The following RALGPS1 variants were observed in gnomAD, a reference collection of about 807,000 sequenced individuals.
RALGPS1 encodes the protein ras-specific guanine nucleotide-releasing factor RalGPS1.
In RALGPS1, 19 loss-of-function variants were observed where a neutral mutation model predicts 78.8. The ratio of observed to expected loss-of-function variants is 0.24; its 90% confidence interval spans 0.17 to 0.35. The LOEUF (loss-of-function observed/expected upper bound fraction) is 0.35. Ranked by LOEUF, RALGPS1 falls within the 10% of genes least tolerant of loss-of-function variation. The probability of loss-of-function intolerance (pLI) is 1.00; values close to 1 mark genes in which losing one functional copy is unlikely to be tolerated. For missense variants in RALGPS1, 454 were observed against 688.3 expected (o/e 0.66, Z 3.81); for synonymous variants, 228 against 256.3 (o/e 0.89, Z 1.06).
intron 8 of RALGPS1, among the ~76,000 whole-genome samples, chr9:127,130,536 T>C (rs561726765): frequency 6.6e-6 from 1 of 152,348 alleles, no homozygotes; most frequent in South Asian, 2.1e-4. Flanking sequence ...CAAAGAAGTA[T>C]TTCTCTGCCT....
At chr9:127,125,880 T>A (rs902975871) in intron 8 of RALGPS1, among the ~76,000 whole-genome samples, 8 of 152,232 alleles carry the variant, frequency 5.3e-5, no homozygotes, top group African/African-American at 1.7e-4. Flanking sequence ...AGATTCTTCA[T>A]GTAAATGACA....
intron 4 of RALGPS1, among the ~76,000 whole-genome samples, chr9:127,019,269 C>G (rs568273879): frequency 1.3e-5 from 2 of 152,140 alleles, no homozygotes; most frequent in East Asian, 1.9e-4. Flanking sequence ...GGCTGTAGCA[C>G]CTGTTGTTAC....
chr9:127,174,817 T>G, intron 11 of RALGPS1, 35 bp downstream of exon 11: 1 of 1,594,318 alleles, frequency 6.3e-7, no homozygotes, highest in Non-Finnish European at 8.6e-7. Flanking sequence ...GCAAACCCAC[T>G]TAATAGCCTA....
chr9:127,172,070 G>A (rs1265640415), intron 10 of RALGPS1, among the ~76,000 whole-genome samples: 1 of 152,152 alleles, frequency 6.6e-6, no homozygotes, highest in Non-Finnish European at 1.5e-5. Flanking sequence ...TTCCATTCCT[G>A]GAGTCTTTAT....
intron 4 of RALGPS1, among the ~76,000 whole-genome samples, chr9:126,988,682 G>A (rs964522010): frequency 2.6e-5 from 4 of 152,232 alleles, no homozygotes; most frequent in African/African-American, 9.6e-5. Flanking sequence ...GGAGGATTTT[G>A]CAGCAGTCTG....
chr9:127,129,472 A>AGT (rs2056858331), intron 8 of RALGPS1, among the ~76,000 whole-genome samples: 3 of 152,166 alleles, frequency 2.0e-5, no homozygotes, highest in African/African-American at 7.2e-5. Context: ...TTACACAGGT[A>AGT]CCTGCTGAAA....
chr9:127,192,418 C>T (rs1475813595), intron 11 of RALGPS1, among the ~76,000 whole-genome samples: 1 of 152,242 alleles, frequency 6.6e-6, no homozygotes, highest in African/African-American at 2.4e-5. Flanking sequence ...AGCTGTGCTG[C>T]ACTTGATGCA....
At chr9:126,952,598 A>G (rs970088675) in intron 1 of RALGPS1, among the ~76,000 whole-genome samples, 1 of 151,556 alleles carries the variant, frequency 6.6e-6, no homozygotes, top group East Asian at 1.9e-4. Flanking sequence ...CCTTTTGGCA[A>G]TACAAAATCT....
At chr9:126,990,656 G>A (rs1166961289) in intron 4 of RALGPS1, among the ~76,000 whole-genome samples, 4 of 152,218 alleles carry the variant, frequency 2.6e-5, no homozygotes, top group African/African-American at 7.2e-5. Flanking sequence ...TCAGAGCTCC[G>A]AGGTAGTGCT....
At position 127,211,280 on chromosome 9, in the gene RALGPS1, GGA is replaced by G. The variant is rs964129710; in HGVS notation, c.1248-847_1248-846del. Among the ~76,000 whole-genome samples, 2 of 152,194 alleles carry G rather than the reference GGA, an allele frequency of 1.3e-5. No homozygotes were observed. The highest frequency in any genetic ancestry group is 2.9e-5 in the Non-Finnish European group (2 of 68,028). ...GCTTGCTGTGGGCAGGTGGAGGAGA[GGA>G]GAGGGGGAGGGTGGAGGCACTGGCC... On this transcript the variant is annotated intron_variant, in intron 14 of 18. Transcript: ENST00000259351. The surrounding 1 kb of genome is among the most constrained non-coding windows in gnomAD (Gnocchi z 5.0).
At chr9:126,969,359 A>T (rs2039867658) in intron 3 of RALGPS1, among the ~76,000 whole-genome samples, 1 of 152,176 alleles carries the variant, frequency 6.6e-6, no homozygotes, top group African/African-American at 2.4e-5. Context: ...TTCCTGCCTC[A>T]GCCTCCTAAA....
chr9:126,954,874 G>A (rs1310206463), intron 1 of RALGPS1, among the ~76,000 whole-genome samples: 3 of 152,190 alleles, frequency 2.0e-5, no homozygotes, highest in Non-Finnish European at 4.4e-5. Context: ...TCCTCACCAT[G>A]GCCTACAAGG....
intron 1 of RALGPS1, among the ~76,000 whole-genome samples, chr9:126,935,851 T>C (rs529962824): frequency 1.3e-5 from 2 of 152,286 alleles, no homozygotes; most frequent in South Asian, 4.1e-4. Context: ...GCTCTAGAAG[T>C]GGAGCTCTCT....
chr9:127,187,828 A>C (rs1215824249), intron 11 of RALGPS1, among the ~76,000 whole-genome samples: 1 of 152,202 alleles, frequency 6.6e-6, no homozygotes, highest in African/African-American at 2.4e-5. Flanking sequence ...GAACAACTGC[A>C]CGAGATGTTT....
chr9:127,175,677 C>CTTTTTTTT (rs11354346), intron 11 of RALGPS1, among the ~76,000 whole-genome samples: 9 of 108,978 alleles, frequency 8.3e-5, no homozygotes, highest in Non-Finnish European at 1.5e-4. Flanking sequence ...TTTGGGCCTC[C>CTTTTTTTT]TTTTTTTTTT....
chr9:126,967,217 A>G lies in RALGPS1; in HGVS notation c.165+1266A>G, dbSNP rs572911678. Among the ~76,000 whole-genome samples the G allele has an allele frequency of 2.0e-5, 3 of 152,178 alleles. No homozygotes were observed. In the South Asian group the frequency reaches 6.2e-4, roughly 32 times the overall value. On this transcript the variant is annotated intron_variant, in intron 3 of 18. Coordinates refer to ENST00000259351, the MANE Select transcript of RALGPS1 (RefSeq NM_014636.3). The stretch of plus-strand genomic sequence containing the variant: ...TCATTTTAAAACCTTCAAACTCTCT[A>G]GTGGCTCCCTCCTACTAGAATGAGA...
intron 11 of RALGPS1, among the ~76,000 whole-genome samples, chr9:127,175,677 C>CT (rs11354346): frequency 0.067 from 7,327 of 109,008 alleles, 299 homozygotes; most frequent in Non-Finnish European, 0.095. Context: ...TTTGGGCCTC[C>CT]TTTTTTTTTT....
At chr9:127,012,052 G>A (rs1368966758) in intron 4 of RALGPS1, among the ~76,000 whole-genome samples, 1 of 152,150 alleles carries the variant, frequency 6.6e-6, no homozygotes, top group Admixed American at 6.5e-5. Flanking sequence ...TGCAGGGTGT[G>A]GAGGGCCCTG....
chr9:127,151,235 G>GC (rs2058402138), intron 8 of RALGPS1, among the ~76,000 whole-genome samples: 1 of 151,760 alleles, frequency 6.6e-6, no homozygotes, highest in East Asian at 1.9e-4. Context: ...AGCTGCTGCT[G>GC]CCGCCGGTCT....
Sources: gnomAD v4.1 joint callset for allele counts (sites outside exome capture counted in the v4.1 genomes callset) on GRCh38, gnomAD v4.1.1 for gene constraint, Gnocchi (gnomAD v3.1) non-coding constraint, MANE v1.5 for transcripts, NCBI Gene and HGNC (gene_info 2026-07-23, HGNC 2026-07-21) for gene names.